Variants in GPATCH1 observed in about 807,000 individuals in gnomAD.
The protein encoded by GPATCH1 is G-patch domain containing 1.
In GPATCH1, 73 loss-of-function variants were observed where a neutral mutation model predicts 114.9. The observed-to-expected ratio is 0.64, with a 90% CI of 0.53 to 0.77. GPATCH1 has a LOEUF of 0.77. GPATCH1 is among the 30% of genes least tolerant of loss of function. The probability of loss-of-function intolerance (pLI) is 0.00; values close to 1 mark genes in which losing one functional copy is unlikely to be tolerated. For synonymous variants in GPATCH1, 391 were observed against 428.4 expected, an observed-to-expected ratio of 0.91 and a Z score of 1.08; for missense variants, 1,058 against 1,144.3, an observed-to-expected ratio of 0.92 and a Z score of 1.09.
At chr19:33,113,962 G>T in intron 14 of GPATCH1, 59 bp downstream of exon 14, 1 of 1,510,748 alleles carries the variant, frequency 6.6e-7, no homozygotes. Context: ...TAGCCTGTAG[G>T]AAGACAGAAT....
chr19:33,081,651 CA>C (rs1435510797), intron 1 of GPATCH1, among the ~76,000 whole-genome samples: 1 of 151,978 alleles, frequency 6.6e-6, no homozygotes, highest in African/African-American at 2.4e-5. Flanking sequence ...GCAGAAGGAA[CA>C]TAAAGTGGCA....
At chr19:33,112,275 A>G (rs1240892215) in intron 12 of GPATCH1, among the ~76,000 whole-genome samples, 4 of 152,066 alleles carry the variant, frequency 2.6e-5, no homozygotes, top group Non-Finnish European at 5.9e-5. Flanking sequence ...CGAGCCAAAT[A>G]TTTTTAATCC....
intron 9 of GPATCH1, among the ~76,000 whole-genome samples, chr19:33,102,983 G>A (rs1019366978): frequency 2.4e-4 from 37 of 152,076 alleles, no homozygotes; most frequent in African/African-American, 8.7e-4. Context: ...AGATTGCTTT[G>A]TTTTTGTGAG....
chr19:33,083,103 T>G (rs1599847073), intron 1 of GPATCH1, among the ~76,000 whole-genome samples: 5 of 128,090 alleles, frequency 3.9e-5, no homozygotes, highest in African/African-American at 9.7e-5. Context: ...TAGCTGGGCG[T>G]GGTGGGGGGG....
At chr19:33,095,956 C>T in intron 6 of GPATCH1, 136 bp downstream of exon 6, 1 of 776,982 alleles carries the variant, frequency 1.3e-6, no homozygotes, top group Non-Finnish European at 2.3e-6. Flanking sequence ...CTAAAGCTAT[C>T]CTCATTATAT....
At chr19:33,110,553 A>C (rs114054810) in intron 11 of GPATCH1, among the ~76,000 whole-genome samples, 1 of 152,102 alleles carries the variant, frequency 6.6e-6, no homozygotes, top group Non-Finnish European at 1.5e-5. Context: ...AGTAAATTAC[A>C]GGGTTGTTTT....
intron 9 of GPATCH1, among the ~76,000 whole-genome samples, chr19:33,101,984 A>C (rs1429052479): frequency 8.0e-5 from 12 of 149,860 alleles, no homozygotes; most frequent in Non-Finnish European, 3.0e-5. Context: ...AGCCAAGATC[A>C]CACCACTGCA....
At chr19:33,112,821 T>C (rs1972872396) in intron 13 of GPATCH1, 1 of 431,104 alleles carries the variant, frequency 2.3e-6, no homozygotes, top group Admixed American at 4.1e-5. Flanking sequence ...TAGCAAACTT[T>C]ATTCCATATT....
chr19:33,109,373 C>A (rs1251816930), intron 10 of GPATCH1, among the ~76,000 whole-genome samples: 1 of 152,032 alleles, frequency 6.6e-6, no homozygotes, highest in African/African-American at 2.4e-5. Context: ...AAAAAATTAG[C>A]CAGGCATTGT....
chr19:33,088,454 C>T (rs1972558859), intron 2 of GPATCH1, among the ~76,000 whole-genome samples, 186 bp downstream of exon 2: 1 of 151,332 alleles, frequency 6.6e-6, no homozygotes, highest in Admixed American at 6.6e-5. Flanking sequence ...AGCGATTCTC[C>T]TGCCTCAGCC....
At chr19:33,083,312 C>A (rs1440350945) in intron 1 of GPATCH1, among the ~76,000 whole-genome samples, 1 of 150,108 alleles carries the variant, frequency 6.7e-6, no homozygotes, top group Non-Finnish European at 1.5e-5. Context: ...GAACTCCTGG[C>A]CTCAAGTAGT....
In GPATCH1 at chr19:33,110,026, G is replaced by A. The variant is rs1428222106; in HGVS notation, c.1585+10G>A. On this transcript the variant is annotated intron_variant, in intron 11 of 19. Transcript: ENST00000170564. ...AAACAGGGTCAGAAAGGTGGGTGCT[G>A]GGCCTGGGTGTCCCAAATCTCGGCC... is the stretch of plus-strand genomic sequence containing the variant. 1 of 1,585,742 alleles carries A rather than the reference G, an allele frequency of 6.3e-7. No homozygotes were observed. Among genetic ancestry groups the A allele is most frequent in the South Asian group, 1.1e-5 (1 of 87,700 alleles).
chr19:33,119,615 T>C (rs558146463), intron 17 of GPATCH1, among the ~76,000 whole-genome samples: 2 of 152,014 alleles, frequency 1.3e-5, no homozygotes, highest in South Asian at 2.1e-4. Context: ...GAAGAATCGC[T>C]TGAACCCGGG....
intron 1 of GPATCH1, among the ~76,000 whole-genome samples, chr19:33,085,933 C>T (rs760854970): frequency 2.6e-5 from 4 of 152,142 alleles, no homozygotes; most frequent in Non-Finnish European, 4.4e-5. Context: ...ATCTTATCTC[C>T]CCTTTGAGAT....
intron 11 of GPATCH1, among the ~76,000 whole-genome samples, chr19:33,110,930 G>A (rs1005935914): frequency 1.3e-5 from 2 of 150,014 alleles, no homozygotes; most frequent in Non-Finnish European, 3.0e-5. Flanking sequence ...GACCAGCCTG[G>A]GCAACATAGT....
intron 2 of GPATCH1, among the ~76,000 whole-genome samples, chr19:33,089,933 T>A (rs961665939): frequency 1.3e-5 from 2 of 151,724 alleles, no homozygotes; most frequent in African/African-American, 4.8e-5. Context: ...CCATTTTATT[T>A]AATTAATTGA....
In GPATCH1 at chr19:33,102,335, C is replaced by T. The variant is rs183586144; in HGVS notation, c.1080+761C>T. ...GGGCGACAAGAGCAAAACTCCGTAT[C>T]GAAAAGAAAAGAAAAGAAATATCAG... On this transcript the variant is annotated intron_variant, in intron 9 of 19. Transcript: ENST00000170564. Among the ~76,000 whole-genome samples, 21 of 150,514 alleles carry T rather than the reference C, an allele frequency of 1.4e-4. No homozygotes were observed. The East Asian group carries it at 2.9e-3, about 21-fold the overall frequency.
At chr19:33,123,609 G>A (rs1159897818) in intron 17 of GPATCH1, among the ~76,000 whole-genome samples, 5 of 151,588 alleles carry the variant, frequency 3.3e-5, no homozygotes, top group African/African-American at 2.4e-5. Context: ...AAAATTAGCC[G>A]GGTATGGTGG....
chr19:33,127,935 C>T lies in GPATCH1; in HGVS notation c.2765+1202C>T, dbSNP rs1599869497. On this transcript the variant is annotated intron_variant, in intron 19 of 19. Transcript: ENST00000170564. ...GTTTCGTCATGTTGGCCAGGCTGGT[C>T]TCAAACTCCTGACCTCAGGTGATAC... 2.0e-5 allele frequency among the ~76,000 whole-genome samples: 3 copies of T among 152,050 alleles called. No individual in the cohort carries two copies. In the South Asian group the frequency reaches 6.2e-4, roughly 32 times the overall value.
Sources: gnomAD v4.1 joint callset for allele counts (sites outside exome capture counted in the v4.1 genomes callset) on GRCh38, gnomAD v4.1.1 for gene constraint, MANE v1.5 for transcripts, NCBI Gene and HGNC (gene_info 2026-07-23, HGNC 2026-07-21) for gene names.